The following ANKS1B variants were observed in gnomAD, a reference collection of about 807,000 sequenced individuals.
ANKS1B encodes the protein ankyrin repeat and sterile alpha motif domain containing 1B.
In ANKS1B, 36 loss-of-function variants were observed where a neutral mutation model predicts 148.3. The observed-to-expected ratio is 0.24, with a 90% CI of 0.19 to 0.32. The LOEUF (loss-of-function observed/expected upper bound fraction) is 0.32, where lower values mean the gene tolerates loss of function less well. ANKS1B is among the 10% of genes least tolerant of loss of function. ANKS1B has a pLI of 1.00. For synonymous variants in ANKS1B, 542 were observed against 560.8 expected (o/e 0.97, Z 0.47); for missense variants, 1,157 against 1,542.6 (o/e 0.75, Z 4.19).
At chr12:99,228,775 C>A (rs1401123562) in intron 14 of ANKS1B, among the ~76,000 whole-genome samples, 1 of 151,820 alleles carries the variant, frequency 6.6e-6, no homozygotes, top group African/African-American at 2.4e-5. Flanking sequence ...TTTTCTGAAA[C>A]CACTGAAACA....
At chr12:99,441,322 T>C (rs1237468678) in intron 11 of ANKS1B, among the ~76,000 whole-genome samples, 1 of 151,868 alleles carries the variant, frequency 6.6e-6, no homozygotes, top group East Asian at 1.9e-4. Flanking sequence ...GAGTCTCCTG[T>C]TCTATCCATC....
At chr12:98,988,916 A>T (rs191117221) in intron 17 of ANKS1B, among the ~76,000 whole-genome samples, 1 of 152,130 alleles carries the variant, frequency 6.6e-6, no homozygotes, top group Non-Finnish European at 1.5e-5. Flanking sequence ...AGAAATGTCA[A>T]TTCAGATCCT....
intron 1 of ANKS1B, among the ~76,000 whole-genome samples, chr12:99,935,883 C>T (rs926812023): frequency 3.3e-5 from 3 of 89,738 alleles, no homozygotes; most frequent in Admixed American, 1.0e-4. Flanking sequence ...TAAGGAAATA[C>T]CTGACACTGG....
intron 11 of ANKS1B, among the ~76,000 whole-genome samples, chr12:99,422,301 C>T (rs1466508005): frequency 6.6e-6 from 1 of 152,132 alleles, no homozygotes; most frequent in Admixed American, 6.5e-5. Context: ...GAGAAATAAC[C>T]AGCACTATCC....
In ANKS1B at chr12:98,928,485, AAAATT is replaced by A. The variant is rs374804889; in HGVS notation, c.2779-96354_2779-96350del. The stretch of plus-strand genomic sequence containing the variant: ...TGAGACAATGACATCACAAGAAAAT[AAAATT>A]AAAGATCAATATATCTTATGCATAT... On this transcript the variant is annotated intron_variant, in intron 17 of 26. Coordinates refer to ENST00000683438, the MANE Select transcript of ANKS1B (RefSeq NM_001352186.2). Among the ~76,000 whole-genome samples, 626 of 152,108 alleles carry A rather than the reference AAAATT, an allele frequency of 4.1e-3. 1 individual carries two copies. Among genetic ancestry groups the A allele is most frequent in the Middle Eastern group, 6.8e-3 (2 of 294 alleles).
At chr12:99,972,485 A>G (rs1232988199) in intron 1 of ANKS1B, among the ~76,000 whole-genome samples, 1 of 152,216 alleles carries the variant, frequency 6.6e-6, no homozygotes, top group African/African-American at 2.4e-5. Flanking sequence ...CAGCAACACA[A>G]CATTCCCTTA....
chr12:99,282,052 T>C lies in ANKS1B; in HGVS notation c.1757-35188A>G, dbSNP rs551802032. On this transcript the variant is annotated intron_variant, in intron 12 of 26. Coordinates refer to ENST00000683438, the MANE Select transcript of ANKS1B (RefSeq NM_001352186.2). ...CAAGTCAAATGTATAGTATGTGCAG[T>C]AATAATACAGGCAATTAAGAAAAAT... 4.6e-5 allele frequency among the ~76,000 whole-genome samples: 7 copies of C among 152,286 alleles called. No homozygotes were observed. The East Asian group carries it at 9.6e-4, about 21-fold the overall frequency.
chr12:98,862,084 G>T (rs763579406), intron 17 of ANKS1B, among the ~76,000 whole-genome samples: 7 of 152,128 alleles, frequency 4.6e-5, no homozygotes, highest in Non-Finnish European at 8.8e-5. Flanking sequence ...ATTTCTAAAG[G>T]TAAGTGTTTG....
At chr12:99,676,869 A>C (rs2098576731) in intron 8 of ANKS1B, among the ~76,000 whole-genome samples, 1 of 152,226 alleles carries the variant, frequency 6.6e-6, no homozygotes, top group Non-Finnish European at 1.5e-5. Flanking sequence ...ATTGTTCTAT[A>C]AATGTTAAAT....
At chr12:99,849,673 AC>A (rs1347401912) in intron 1 of ANKS1B, among the ~76,000 whole-genome samples, 1 of 152,128 alleles carries the variant, frequency 6.6e-6, no homozygotes, top group Admixed American at 6.6e-5. Flanking sequence ...AAGCAACAAA[AC>A]TATTATTACT....
chr12:99,849,607 A>AATAGTAGAAAG (rs1488264066), intron 1 of ANKS1B, among the ~76,000 whole-genome samples: 1 of 152,178 alleles, frequency 6.6e-6, no homozygotes, highest in African/African-American at 2.4e-5. Context: ...ACTGTCCATC[A>AATAGTAGAAAG]ATAGTAGAAA....
At chr12:99,087,365 G>A (rs1231277645) in intron 15 of ANKS1B, among the ~76,000 whole-genome samples, 1 of 152,136 alleles carries the variant, frequency 6.6e-6, no homozygotes, top group Non-Finnish European at 1.5e-5. Flanking sequence ...TACTCATAGT[G>A]TCATTCTTAT....
intron 8 of ANKS1B, among the ~76,000 whole-genome samples, chr12:99,714,014 A>G (rs928329973): frequency 2.0e-5 from 3 of 152,252 alleles, no homozygotes; most frequent in Non-Finnish European, 4.4e-5. Flanking sequence ...TCTAAAATAG[A>G]TTTTGAAATG....
chr12:99,943,037 A>T (rs1468523101), intron 1 of ANKS1B, among the ~76,000 whole-genome samples: 2 of 152,172 alleles, frequency 1.3e-5, no homozygotes, highest in African/African-American at 4.8e-5. Context: ...CTGATCGACA[A>T]AATGTGCTGA....
chr12:99,647,015 AAT>A (rs2098376454), intron 9 of ANKS1B, among the ~76,000 whole-genome samples: 1 of 152,148 alleles, frequency 6.6e-6, no homozygotes, highest in Admixed American at 6.5e-5. Context: ...TTGCCAATAA[AAT>A]AGTTATTTCC....
At chr12:99,609,946 C>T (rs951563775) in intron 9 of ANKS1B, among the ~76,000 whole-genome samples, 8 of 152,152 alleles carry the variant, frequency 5.3e-5, no homozygotes, top group African/African-American at 1.7e-4. Flanking sequence ...TCTCCCTTTG[C>T]CGGCTTTTGG....
At chr12:99,417,848 CA>C (rs1330052328) in intron 11 of ANKS1B, among the ~76,000 whole-genome samples, 2 of 152,070 alleles carry the variant, frequency 1.3e-5, no homozygotes, top group South Asian at 2.1e-4. Context: ...AGAAACATAT[CA>C]CATACAAAGA....
At chr12:99,829,227 T>C (rs142793342) in intron 1 of ANKS1B, among the ~76,000 whole-genome samples, 2 of 151,770 alleles carry the variant, frequency 1.3e-5, no homozygotes, top group African/African-American at 2.4e-5. Flanking sequence ...AAAATGTACA[T>C]GGGCCAGTCG....
Position 99,776,965 on chromosome 12 carries a change from G to C in ANKS1B, c.848-1304C>G, listed in dbSNP as rs573634645. 3.3e-3 allele frequency among the ~76,000 whole-genome samples: 502 copies of C among 152,210 alleles called. 1 individual carries two copies. Among genetic ancestry groups the C allele is most frequent in the African/African-American group, 0.011 (475 of 41,534 alleles). On this transcript the variant is annotated intron_variant, in intron 6 of 26. Transcript: ENST00000683438. ...CCCAAAGTGCTGGGATTACAAGCGT[G>C]AGCCACCGCACCCTGCCAAATTCTA... is the stretch of plus-strand genomic sequence containing the variant.
Sources: allele counts gnomAD v4.1 joint callset (sites outside exome capture counted in the v4.1 genomes callset), GRCh38; gene constraint gnomAD v4.1.1; transcripts MANE v1.5; gene names NCBI Gene and HGNC (gene_info 2026-07-23, HGNC 2026-07-21).